The following SH3BP4 variants were observed in gnomAD, a reference collection of about 807,000 sequenced individuals.
SH3BP4 encodes the protein SH3 domain binding protein 4, also known as SH3 domain-binding protein 4.
In SH3BP4, 33 loss-of-function variants were observed where a neutral mutation model predicts 65.5. The ratio of observed to expected loss-of-function variants is 0.50; its 90% CI spans 0.38 to 0.67. The LOEUF is 0.67. SH3BP4 is among the 30% of genes least tolerant of loss of function. The probability of loss-of-function intolerance (pLI) is 0.00; values close to 1 mark genes in which losing one functional copy is unlikely to be tolerated. For synonymous variants in SH3BP4, 552 were observed against 545.5 expected (o/e 1.01, Z -0.17); for missense variants, 1,134 against 1,261.4 (o/e 0.90, Z 1.53).
intron 4 of SH3BP4, among the ~76,000 whole-genome samples, chr2:235,044,886 G>A (rs1466830664): frequency 6.6e-6 from 1 of 152,208 alleles, no homozygotes; most frequent in African/African-American, 2.4e-5. Flanking sequence ...CCACGAGATT[G>A]CCCAGGGGAG....
At chr2:234,986,862 T>C (rs980217652) in intron 1 of SH3BP4, among the ~76,000 whole-genome samples, 1 of 151,816 alleles carries the variant, frequency 6.6e-6, no homozygotes, top group African/African-American at 2.4e-5. Flanking sequence ...TGGAGTGCAA[T>C]GGCTCAATCT....
intron 2 of SH3BP4, among the ~76,000 whole-genome samples, chr2:235,017,045 C>CTTTTTTTTTTT (rs995197698): frequency 2.3e-5 from 2 of 88,428 alleles, no homozygotes. Context: ...GTTTGCCTTT[C>CTTTTTTTTTTT]TTTTTTTTTT....
intron 2 of SH3BP4, among the ~76,000 whole-genome samples, chr2:235,020,140 A>G (rs539408641): frequency 2.7e-4 from 41 of 152,316 alleles, no homozygotes; most frequent in Non-Finnish European, 5.1e-4. Context: ...GCAGGTTTGT[A>G]GGAATGGGTG....
intron 3 of SH3BP4, among the ~76,000 whole-genome samples, chr2:235,037,142 G>C (rs994078575): frequency 1.3e-5 from 2 of 152,184 alleles, no homozygotes; most frequent in Admixed American, 6.5e-5. Context: ...TCAGTACATT[G>C]AACTTCCTAA....
chr2:234,958,698 G>C (rs987432138), intron 1 of SH3BP4, among the ~76,000 whole-genome samples: 1 of 152,010 alleles, frequency 6.6e-6, no homozygotes, highest in African/African-American at 2.4e-5. Flanking sequence ...ATGGGGGTAG[G>C]GGGAGAGGGG....
rs1028198388 is a variant in SH3BP4, at chr2:234,977,787, G to A, written c.-206-17516G>A. On this transcript the variant is annotated intron_variant, in intron 1 of 5. Transcript: ENST00000392011. The surrounding 1 kb of genome is among the most constrained non-coding windows in gnomAD (Gnocchi z 5.1). ...CCTGCGCTGGGAAAGACACGCACAC[G>A]CATATGCACACACATGGGCACACAC... is the stretch of plus-strand genomic sequence containing the variant. 1.3e-4 allele frequency among the ~76,000 whole-genome samples: 20 copies of A among 152,060 alleles called. No homozygotes were observed. The highest frequency in any genetic ancestry group is 4.1e-4 in the African/African-American group (17 of 41,488).
At chr2:234,963,994 A>C (rs532535828) in intron 1 of SH3BP4, among the ~76,000 whole-genome samples, 1 of 152,146 alleles carries the variant, frequency 6.6e-6, no homozygotes. Flanking sequence ...CTGGCAAGAG[A>C]GGAAAACTAA....
intron 1 of SH3BP4, among the ~76,000 whole-genome samples, chr2:234,969,758 G>T (rs1246530738): frequency 6.6e-6 from 1 of 152,204 alleles, no homozygotes; most frequent in Non-Finnish European, 1.5e-5. Flanking sequence ...GGAAGCATGT[G>T]TGTACCCCAG....
Position 234,974,073 on chromosome 2 carries a change from G to A in SH3BP4, c.-206-21230G>A, listed in dbSNP as rs777509699. 1.3e-5 allele frequency among the ~76,000 whole-genome samples: 2 copies of A among 151,954 alleles called. No homozygotes were observed. Among genetic ancestry groups the A allele is most frequent in the Non-Finnish European group, 2.9e-5 (2 of 67,992 alleles). On this transcript the variant is annotated intron_variant, in intron 1 of 5. Coordinates refer to ENST00000392011, the MANE Select transcript of SH3BP4 (RefSeq NM_014521.3). This position sits in a 1 kb window ranked among gnomAD's most constrained non-coding sequence, Gnocchi z 4.6. ...CTGGCTCTGGGAAAACTCATTTAGC[G>A]ATTTGTGAAGGACCTGGCGCAGTGG... is the stretch of plus-strand genomic sequence containing the variant.
At chr2:234,959,472 G>T (rs190562982) in intron 1 of SH3BP4, among the ~76,000 whole-genome samples, 11 of 152,162 alleles carry the variant, frequency 7.2e-5, no homozygotes, top group Non-Finnish European at 1.6e-4. Flanking sequence ...TGACATCTTG[G>T]CAGTAAAACT....
chr2:235,040,848 G>T, intron 3 of SH3BP4, 40 bp from the exon 4 acceptor site: 1 of 1,572,914 alleles, frequency 6.4e-7, no homozygotes, highest in South Asian at 1.1e-5. Flanking sequence ...CACCCCGCCG[G>T]CCTTGCCCTC....
In SH3BP4 at chr2:234,974,565, C is replaced by G. The variant is rs1693112124; in HGVS notation, c.-206-20738C>G. ...CCACTTGGAAGCCCAGAAAAAGCTTCTGTGTTTAGCCCTTCAGTTTCTTGC... is the reference window on the plus strand; with the variant it reads ...CCACTTGGAAGCCCAGAAAAAGCTTGTGTGTTTAGCCCTTCAGTTTCTTGC... On this transcript the variant is annotated intron_variant, in intron 1 of 5. Coordinates refer to ENST00000392011, the MANE Select transcript of SH3BP4 (RefSeq NM_014521.3). The surrounding 1 kb of genome is among the most constrained non-coding windows in gnomAD (Gnocchi z 4.6). Among the ~76,000 whole-genome samples the G allele has an allele frequency of 3.3e-5, 5 of 152,186 alleles. No homozygotes were observed. Among genetic ancestry groups the G allele is most frequent in the Admixed American group, 3.3e-4 (5 of 15,280 alleles).
At chr2:235,051,530 G>A (rs1696054139) in intron 4 of SH3BP4, among the ~76,000 whole-genome samples, 2 of 152,172 alleles carry the variant, frequency 1.3e-5, no homozygotes, top group African/African-American at 2.4e-5. Flanking sequence ...TTCCTCTGTG[G>A]TTAGTAATCC....
At position 235,055,669 on chromosome 2, in the gene SH3BP4, T is replaced by G. The variant is rs1198327824; in HGVS notation, c.*1853T>G. 6.6e-6 allele frequency: 1 copy of G among 152,652 alleles called. No individual in the cohort carries two copies. The highest frequency in any genetic ancestry group is 1.9e-4 in the East Asian group (1 of 5,194). The allele number at this position is 152,652 out of a possible 1,614,324, so 9.5% of individuals were successfully genotyped here. ...TTTAACCTGTTAAGTGTGTGTGTGT[T>G]TTCTGTACCCAACCAGACTTTAAAT... On this transcript the variant is annotated 3_prime_UTR_variant, in exon 6 of 6. Transcript: ENST00000392011.
Position 235,033,660 on chromosome 2 carries a change from A to T in SH3BP4, c.-132-1211A>T, listed in dbSNP as rs2106323416. ...GGCAGGGTTAAATATTGAACACAAG[A>T]TGGTCCCTATAGCAGCATGTGGACA... is the stretch of plus-strand genomic sequence containing the variant. On this transcript the variant is annotated intron_variant, in intron 2 of 5. Transcript: ENST00000392011. This position sits in a 1 kb window ranked among gnomAD's most constrained non-coding sequence, Gnocchi z 5.7. Among the ~76,000 whole-genome samples, 2 of 152,262 alleles carry T rather than the reference A, an allele frequency of 1.3e-5. No individual in the cohort carries two copies. The highest frequency in any genetic ancestry group is 3.4e-3 in the Middle Eastern group (1 of 294).
At chr2:235,047,902 G>A (rs1695921356) in intron 4 of SH3BP4, among the ~76,000 whole-genome samples, 1 of 152,196 alleles carries the variant, frequency 6.6e-6, no homozygotes, top group Admixed American at 6.5e-5. Flanking sequence ...GTTGCTGTGG[G>A]ATGCAAAGCA....
chr2:235,003,569 G>T (rs1002994919), intron 2 of SH3BP4, among the ~76,000 whole-genome samples: 5 of 152,238 alleles, frequency 3.3e-5, no homozygotes, highest in Non-Finnish European at 4.4e-5. Flanking sequence ...TCTGGTCTGA[G>T]GGGTGGAGGG....
At chr2:235,050,813 G>A (rs1696025354) in intron 4 of SH3BP4, among the ~76,000 whole-genome samples, 1 of 152,120 alleles carries the variant, frequency 6.6e-6, no homozygotes, top group Non-Finnish European at 1.5e-5. Flanking sequence ...TGGCCAAAGA[G>A]CGCCGGTACC....
chr2:235,005,093 G>A (rs890258738), intron 2 of SH3BP4, among the ~76,000 whole-genome samples: 11 of 152,220 alleles, frequency 7.2e-5, no homozygotes, highest in Non-Finnish European at 1.6e-4. Context: ...ACAGGACTGC[G>A]AGGAAGCACT....
Sources: gnomAD v4.1 joint callset for allele counts (sites outside exome capture counted in the v4.1 genomes callset) on GRCh38, gnomAD v4.1.1 for gene constraint, Gnocchi (gnomAD v3.1) non-coding constraint, MANE v1.5 for transcripts, NCBI Gene and HGNC (gene_info 2026-07-23, HGNC 2026-07-21) for gene names.